The following SLC4A10 variants were observed in gnomAD, a reference collection of about 807,000 sequenced individuals.
SLC4A10 encodes sodium-driven chloride bicarbonate exchanger.
SLC4A10 carries 42 observed loss-of-function variants against 137.7 expected under a neutral mutation model. The observed-to-expected ratio is 0.30, with a 90% CI of 0.24 to 0.39. SLC4A10 has a LOEUF of 0.39. Ranked by LOEUF, SLC4A10 falls within the 10% of genes least tolerant of loss-of-function variation. The pLI is 1.00. For synonymous variants in SLC4A10, 474 were observed against 464.1 expected, an observed-to-expected ratio of 1.02 and a Z score of -0.27; for missense variants, 925 against 1,355.0, an observed-to-expected ratio of 0.68 and a Z score of 4.98.
At chr2:161,685,629 A>G (rs970094978) in intron 1 of SLC4A10, among the ~76,000 whole-genome samples, 1 of 144,270 alleles carries the variant, frequency 6.9e-6, no homozygotes, top group African/African-American at 2.7e-5. Context: ...CAAACAAACA[A>G]ACAAACAAAA....
At chr2:161,942,941 T>C in intron 16 of SLC4A10, 44 bp downstream of exon 16, 1 of 1,452,160 alleles carries the variant, frequency 6.9e-7, no homozygotes, top group Non-Finnish European at 9.4e-7. Flanking sequence ...AGAGCTTTTG[T>C]TGACATTTTG....
chr2:161,913,574 G>A (rs1241683812), intron 15 of SLC4A10, among the ~76,000 whole-genome samples: 2 of 152,146 alleles, frequency 1.3e-5, no homozygotes, highest in South Asian at 4.1e-4. Flanking sequence ...GTAGCACGTT[G>A]TCTTTTCAAA....
intron 3 of SLC4A10, among the ~76,000 whole-genome samples, chr2:161,824,017 T>C (rs538007247): frequency 6.6e-6 from 1 of 152,358 alleles, no homozygotes; most frequent in South Asian, 2.1e-4. Context: ...AGAATCCTTT[T>C]TCTACTTTGG....
chr2:161,738,523 G>C (rs1222952523), intron 1 of SLC4A10, among the ~76,000 whole-genome samples: 1 of 152,108 alleles, frequency 6.6e-6, no homozygotes, highest in Non-Finnish European at 1.5e-5. Context: ...GCCTGTGATT[G>C]GCCAAAACTT....
rs893670906 is a variant in SLC4A10 at position 161,984,269 on chromosome 2, A to G, written c.*1117A>G. 6.6e-6 allele frequency: 1 copy of G among 152,084 alleles called. No homozygotes were observed. Among genetic ancestry groups the G allele is most frequent in the African/African-American group, 2.4e-5 (1 of 41,420 alleles). 9.4% of individuals were successfully genotyped at this position (152,084 alleles called of 1,614,324 possible). ...CTTTTAAAATGAAATTTCAGATTCC[A>G]TTTGAGAAGGTTCTGTAGATATTTC... On this transcript the variant is annotated 3_prime_UTR_variant, in exon 27 of 27. Coordinates refer to ENST00000446997, the MANE Select transcript of SLC4A10 (RefSeq NM_001178015.2).
intron 15 of SLC4A10, among the ~76,000 whole-genome samples, chr2:161,932,211 G>T (rs1158558817): frequency 6.6e-6 from 1 of 152,130 alleles, no homozygotes; most frequent in Non-Finnish European, 1.5e-5. Context: ...AGGTTGGCAG[G>T]TTCAGATATG....
At chr2:161,919,884 G>C (rs1687800831) in intron 15 of SLC4A10, among the ~76,000 whole-genome samples, 1 of 152,198 alleles carries the variant, frequency 6.6e-6, no homozygotes, top group South Asian at 2.1e-4. Context: ...AGGCATGGCT[G>C]TGACACCCTC....
intron 3 of SLC4A10, among the ~76,000 whole-genome samples, chr2:161,818,821 A>T (rs966415830): frequency 6.6e-6 from 1 of 152,202 alleles, no homozygotes; most frequent in Admixed American, 6.5e-5. Context: ...CATCCCAGGG[A>T]TGAAGGCCAC....
intron 1 of SLC4A10, among the ~76,000 whole-genome samples, chr2:161,739,940 A>T (rs570801684): frequency 6.6e-6 from 1 of 152,098 alleles, no homozygotes; most frequent in Non-Finnish European, 1.5e-5. Context: ...TCAAATTTCC[A>T]TAGGGTCATG....
intron 2 of SLC4A10, among the ~76,000 whole-genome samples, chr2:161,797,801 G>A (rs1439185945): frequency 2.0e-5 from 3 of 152,058 alleles, no homozygotes; most frequent in Non-Finnish European, 4.4e-5. Flanking sequence ...GTAAGAAACA[G>A]TATTTTTGAA....
chr2:161,947,418 G>C (rs190201556), intron 16 of SLC4A10, 148 bp from the exon 17 acceptor site: 2 of 762,278 alleles, frequency 2.6e-6, no homozygotes, highest in Admixed American at 3.7e-5. Context: ...CTTGAAACTC[G>C]TAATGTAATG....
intron 15 of SLC4A10, among the ~76,000 whole-genome samples, chr2:161,909,047 A>T (rs1027537499): frequency 7.5e-5 from 10 of 133,732 alleles, no homozygotes; most frequent in Admixed American, 4.2e-4. Context: ...ACACATGGAC[A>T]CAGGAAGGGG....
At chr2:161,773,363 G>A (rs986204603) in intron 2 of SLC4A10, among the ~76,000 whole-genome samples, 4 of 151,732 alleles carry the variant, frequency 2.6e-5, no homozygotes, top group African/African-American at 9.7e-5. Context: ...TCCAACACAC[G>A]CCTTTTGGGA....
At chr2:161,722,365 G>A (rs191634370) in intron 1 of SLC4A10, among the ~76,000 whole-genome samples, 20 of 152,304 alleles carry the variant, frequency 1.3e-4, no homozygotes, top group South Asian at 6.2e-4. Context: ...TGGGGTTTTT[G>A]TGGGGTTCTT....
intron 10 of SLC4A10, among the ~76,000 whole-genome samples, chr2:161,883,565 C>T (rs766627304): frequency 6.6e-6 from 1 of 152,118 alleles, no homozygotes; most frequent in Non-Finnish European, 1.5e-5. Context: ...GAAACTACTA[C>T]AAATTGGGTG....
At chr2:161,896,589 G>C (rs2063528681) in intron 11 of SLC4A10, among the ~76,000 whole-genome samples, 2 of 151,948 alleles carry the variant, frequency 1.3e-5, no homozygotes, top group Admixed American at 6.6e-5. Context: ...GGGACGTGAA[G>C]GACCTCTTCA....
intron 26 of SLC4A10, among the ~76,000 whole-genome samples, chr2:161,981,088 A>T (rs554994148): frequency 2.0e-5 from 3 of 152,374 alleles, no homozygotes; most frequent in African/African-American, 7.2e-5. Flanking sequence ...TTAATAGGTT[A>T]TTGTTTTGTA....
At chr2:161,662,498 T>C (rs1175633134) in intron 1 of SLC4A10, among the ~76,000 whole-genome samples, 1 of 152,180 alleles carries the variant, frequency 6.6e-6, no homozygotes, top group Non-Finnish European at 1.5e-5. Context: ...ATAATAGCAG[T>C]AATAAAAACC....
intron 1 of SLC4A10, among the ~76,000 whole-genome samples, chr2:161,726,086 T>A (rs897152867): frequency 1.2e-4 from 19 of 152,156 alleles, no homozygotes; most frequent in African/African-American, 4.3e-4. Flanking sequence ...GATGTCTCAA[T>A]AGATTATGTT....
Sources: allele counts gnomAD v4.1 joint callset (sites outside exome capture counted in the v4.1 genomes callset), GRCh38; gene constraint gnomAD v4.1.1; transcripts MANE v1.5; gene names NCBI Gene and HGNC (gene_info 2026-07-23, HGNC 2026-07-21).